The following SRBD1 variants were observed in gnomAD, a reference collection of about 807,000 sequenced individuals.
SRBD1 encodes S1 RNA-binding domain-containing protein 1.
SRBD1 carries 88 observed loss-of-function variants against 115.3 expected under a neutral mutation model. The observed-to-expected ratio is 0.76, with a 90% CI of 0.64 to 0.91. SRBD1 has a LOEUF of 0.91. SRBD1 is among the 40% of genes least tolerant of loss of function. The pLI is 0.00. For missense variants in SRBD1, 1,385 were observed against 1,177.4 expected (o/e 1.18, Z -2.58); for synonymous variants, 509 against 407.7 (o/e 1.25, Z -2.99).
chr2:45,608,579 C>T (rs567894713), intron 1 of SRBD1, among the ~76,000 whole-genome samples: 2 of 152,132 alleles, frequency 1.3e-5, no homozygotes, highest in African/African-American at 4.8e-5. Flanking sequence ...GTTTTACATA[C>T]CGATGTCACC....
chr2:45,512,630 T>A (rs1258722710), intron 14 of SRBD1, among the ~76,000 whole-genome samples: 1 of 152,154 alleles, frequency 6.6e-6, no homozygotes, highest in African/African-American at 2.4e-5. Context: ...TGTAGGAGGA[T>A]TCATGAAAAT....
intron 15 of SRBD1, among the ~76,000 whole-genome samples, chr2:45,486,349 C>G (rs1190979053): frequency 1.3e-5 from 2 of 152,096 alleles, no homozygotes; most frequent in Non-Finnish European, 2.9e-5. Flanking sequence ...TGAAAGTACC[C>G]TTTTATCATA....
At chr2:45,515,686 T>C (rs1262969533) in intron 14 of SRBD1, among the ~76,000 whole-genome samples, 4 of 152,142 alleles carry the variant, frequency 2.6e-5, no homozygotes, top group Non-Finnish European at 4.4e-5. Flanking sequence ...CTGTTTCTCC[T>C]CCTCTTTCTC....
intron 1 of SRBD1, among the ~76,000 whole-genome samples, chr2:45,608,187 C>G (rs1281848772): frequency 6.6e-6 from 1 of 152,190 alleles, no homozygotes; most frequent in African/African-American, 2.4e-5. Flanking sequence ...AAAGAAGGCT[C>G]CCCTAAATCA....
At chr2:45,517,168 T>C (rs1671144471) in intron 14 of SRBD1, among the ~76,000 whole-genome samples, 1 of 152,228 alleles carries the variant, frequency 6.6e-6, no homozygotes, top group African/African-American at 2.4e-5. Flanking sequence ...TTAAATATCA[T>C]TTAAACAGTT....
intron 9 of SRBD1, among the ~76,000 whole-genome samples, chr2:45,566,049 A>G (rs1572784580): frequency 6.6e-6 from 1 of 152,258 alleles, no homozygotes; most frequent in African/African-American, 2.4e-5. Flanking sequence ...CAAAACACAA[A>G]AAGATGGACA....
At chr2:45,540,419 T>C (rs1671897941) in intron 14 of SRBD1, among the ~76,000 whole-genome samples, 1 of 150,574 alleles carries the variant, frequency 6.6e-6, no homozygotes, top group East Asian at 1.9e-4. Flanking sequence ...GTTAAAACTA[T>C]AAAACTTCTA....
At chr2:45,426,454 G>T (rs1668158569) in intron 16 of SRBD1, among the ~76,000 whole-genome samples, 1 of 152,194 alleles carries the variant, frequency 6.6e-6, no homozygotes, top group African/African-American at 2.4e-5. Context: ...TTGCCTGCTG[G>T]ATCTGAAGAA....
intron 14 of SRBD1, among the ~76,000 whole-genome samples, chr2:45,518,128 CTA>C (rs1671175434): frequency 6.6e-6 from 1 of 152,030 alleles, no homozygotes; most frequent in Admixed American, 6.6e-5. Flanking sequence ...GGGTAACATC[CTA>C]GATTAACTGA....
chr2:45,423,464 T>C (rs1028444047), intron 16 of SRBD1, among the ~76,000 whole-genome samples: 4 of 152,072 alleles, frequency 2.6e-5, no homozygotes, highest in Non-Finnish European at 4.4e-5. Flanking sequence ...GAATAAAAAA[T>C]GGACAAATTA....
chr2:45,432,454 A>G (rs1668369694), intron 16 of SRBD1, among the ~76,000 whole-genome samples: 1 of 152,208 alleles, frequency 6.6e-6, no homozygotes, highest in Non-Finnish European at 1.5e-5. Flanking sequence ...TATTCTAAGA[A>G]CATTTCTAAG....
intron 14 of SRBD1, among the ~76,000 whole-genome samples, chr2:45,501,587 A>C (rs1241873953): frequency 1.3e-5 from 2 of 152,172 alleles, no homozygotes; most frequent in African/African-American, 4.8e-5. Context: ...AGTCACTCCC[A>C]CCCTAACACC....
intron 1 of SRBD1, among the ~76,000 whole-genome samples, chr2:45,605,831 G>C (rs1432160393): frequency 6.6e-6 from 1 of 151,262 alleles, no homozygotes; most frequent in Admixed American, 6.6e-5. Flanking sequence ...TTGAACCCAG[G>C]AGGTGGAGGT....
chr2:45,414,325 T>C (rs79725143), intron 18 of SRBD1, among the ~76,000 whole-genome samples: 6,891 of 152,148 alleles, frequency 0.045, 302 homozygotes, highest in East Asian at 0.14. Context: ...AATGATGATA[T>C]GAACTACAAG....
intron 14 of SRBD1, among the ~76,000 whole-genome samples, chr2:45,493,512 C>T (rs1202469944): frequency 6.6e-6 from 1 of 152,036 alleles, no homozygotes; most frequent in Non-Finnish European, 1.5e-5. Flanking sequence ...ATCTAGTCAT[C>T]TTAAAAACTT....
chr2:45,538,557 T>G (rs1417553795), intron 14 of SRBD1, among the ~76,000 whole-genome samples: 1 of 152,252 alleles, frequency 6.6e-6, no homozygotes, highest in Admixed American at 6.5e-5. Flanking sequence ...AGAAGATATT[T>G]CAACTGCTGA....
intron 14 of SRBD1, among the ~76,000 whole-genome samples, chr2:45,545,736 TC>T (rs1415908100): frequency 1.3e-5 from 2 of 152,216 alleles, no homozygotes; most frequent in South Asian, 2.1e-4. Context: ...TGAATCATGA[TC>T]CCATGGCACC....
intron 11 of SRBD1, among the ~76,000 whole-genome samples, chr2:45,552,456 C>T (rs555587167): frequency 1.7e-3 from 252 of 152,188 alleles, no homozygotes; most frequent in African/African-American, 6.0e-3. Context: ...TACATTAAAC[C>T]TTGATGAAAT....
At chr2:45,432,378 C>G (rs530750824) in intron 16 of SRBD1, among the ~76,000 whole-genome samples, 32 of 152,256 alleles carry the variant, frequency 2.1e-4, no homozygotes, top group African/African-American at 7.2e-4. Context: ...GGAAGGAATA[C>G]TGAACAAAAT....
Sources: gnomAD v4.1 joint callset for allele counts (sites outside exome capture counted in the v4.1 genomes callset) on GRCh38, gnomAD v4.1.1 for gene constraint, MANE v1.5 for transcripts, NCBI Gene and HGNC (gene_info 2026-07-23, HGNC 2026-07-21) for gene names.